The following ZNF804A variants were observed in gnomAD, a reference collection of about 807,000 sequenced individuals.
The protein encoded by ZNF804A is zinc finger protein 804A.
Under a neutral mutation model 16.5 loss-of-function variants are expected in ZNF804A, and 2 were observed. The ratio of observed to expected loss-of-function variants is 0.12; its 90% confidence interval spans 0.05 to 0.38. The LOEUF is 0.38. ZNF804A is among the 10% of genes least tolerant of loss of function. ZNF804A has a pLI of 0.99. For synonymous variants in ZNF804A, 534 were observed against 489.6 expected (o/e 1.09, Z -1.20); for missense variants, 1,473 against 1,390.7 (o/e 1.06, Z -0.94).
chr2:184,904,444 C>T (rs1373028449), intron 2 of ZNF804A, among the ~76,000 whole-genome samples: 1 of 151,938 alleles, frequency 6.6e-6, no homozygotes, highest in African/African-American at 2.4e-5. Flanking sequence ...GCTAAATAGT[C>T]GACTAAGTTG....
In ZNF804A at chr2:184,609,533, C is replaced by T. The variant is rs556699513; in HGVS notation, c.111+10463C>T. 3.3e-5 allele frequency among the ~76,000 whole-genome samples: 5 copies of T among 152,318 alleles called. No homozygotes were observed. The South Asian group carries it at 1.0e-3, about 32-fold the overall frequency. On this transcript the variant is annotated intron_variant, in intron 1 of 3. Coordinates refer to ENST00000302277, the MANE Select transcript of ZNF804A (RefSeq NM_194250.2). Reference sequence around the variant, plus strand: ...ATTAATATAGACTGGGTGGCTTAAACAACAAATACTTATTTCTCAGAATTC... The same window carrying T: ...ATTAATATAGACTGGGTGGCTTAAATAACAAATACTTATTTCTCAGAATTC...
intron 1 of ZNF804A, among the ~76,000 whole-genome samples, chr2:184,753,947 T>C (rs1693915168): frequency 6.6e-6 from 1 of 151,930 alleles, no homozygotes; most frequent in Non-Finnish European, 1.5e-5. Flanking sequence ...TATTTTAGTA[T>C]AAACATGTTC....
chr2:184,621,986 C>G (rs1454623402), intron 1 of ZNF804A, among the ~76,000 whole-genome samples: 1 of 151,716 alleles, frequency 6.6e-6, no homozygotes, highest in Non-Finnish European at 1.5e-5. Context: ...TGAAACATCT[C>G]AATTAGTCAT....
At chr2:184,906,354 A>G (rs1685273841) in intron 2 of ZNF804A, among the ~76,000 whole-genome samples, 1 of 152,102 alleles carries the variant, frequency 6.6e-6, no homozygotes, top group South Asian at 2.1e-4. Flanking sequence ...GATGGAGTGC[A>G]GTGATGCAAT....
chr2:184,904,161 T>C (rs964741571), intron 2 of ZNF804A, among the ~76,000 whole-genome samples: 1 of 151,924 alleles, frequency 6.6e-6, no homozygotes, highest in Non-Finnish European at 1.5e-5. Flanking sequence ...AAACTTAAAC[T>C]AGGAGGTGAA....
intron 1 of ZNF804A, among the ~76,000 whole-genome samples, chr2:184,752,977 G>T (rs1280438601): frequency 6.6e-6 from 1 of 151,222 alleles, no homozygotes; most frequent in Admixed American, 6.6e-5. Flanking sequence ...GGTGAAAATC[G>T]GGGAAAAGGG....
intron 2 of ZNF804A, among the ~76,000 whole-genome samples, chr2:184,906,140 C>A (rs1195590414): frequency 1.3e-5 from 2 of 152,118 alleles, no homozygotes; most frequent in African/African-American, 2.4e-5. Flanking sequence ...ATTTTCAAGT[C>A]ATTTGAAATT....
intron 1 of ZNF804A, among the ~76,000 whole-genome samples, chr2:184,612,686 C>T (rs1034429988): frequency 6.6e-6 from 1 of 152,062 alleles, no homozygotes. Flanking sequence ...CTGCCCACCT[C>T]GGCCTCCCAA....
intron 1 of ZNF804A, among the ~76,000 whole-genome samples, chr2:184,857,155 T>C (rs1695702259): frequency 6.6e-6 from 1 of 152,076 alleles, no homozygotes; most frequent in Non-Finnish European, 1.5e-5. Flanking sequence ...TCCTTAAGTT[T>C]TGGTTTTATT....
At chr2:184,908,532 T>C (rs942988024) in intron 2 of ZNF804A, among the ~76,000 whole-genome samples, 1 of 152,118 alleles carries the variant, frequency 6.6e-6, no homozygotes. Context: ...GAAATGAACA[T>C]TTAAGGGGAA....
At chr2:184,810,579 C>T (rs1694883138) in intron 1 of ZNF804A, among the ~76,000 whole-genome samples, 1 of 151,068 alleles carries the variant, frequency 6.6e-6, no homozygotes. Flanking sequence ...CAGGCTCCGC[C>T]TCCCAGGTTC....
intron 1 of ZNF804A, among the ~76,000 whole-genome samples, chr2:184,623,023 A>G (rs1195016554): frequency 6.6e-6 from 1 of 152,038 alleles, no homozygotes; most frequent in Non-Finnish European, 1.5e-5. Context: ...CATTCCCTTT[A>G]TTTGCTGGAA....
chr2:184,890,521 A>G (rs1036692774), intron 2 of ZNF804A, among the ~76,000 whole-genome samples: 2 of 152,110 alleles, frequency 1.3e-5, no homozygotes, highest in African/African-American at 4.8e-5. Context: ...AAGCAAAGAG[A>G]AAATGAAAGC....
intron 1 of ZNF804A, among the ~76,000 whole-genome samples, chr2:184,827,143 A>C (rs904977965): frequency 6.6e-6 from 1 of 151,766 alleles, no homozygotes; most frequent in Non-Finnish European, 1.5e-5. Context: ...CAACCTGAAA[A>C]TGGTCAGCAT....
chr2:184,733,095 T>C (rs1693546000), intron 1 of ZNF804A, among the ~76,000 whole-genome samples: 2 of 152,154 alleles, frequency 1.3e-5, no homozygotes, highest in Admixed American at 6.6e-5. Flanking sequence ...GACATCTTTG[T>C]TTTGTTCCTG....
chr2:184,846,734 A>T (rs1044342996), intron 1 of ZNF804A, among the ~76,000 whole-genome samples: 2 of 152,084 alleles, frequency 1.3e-5, no homozygotes, highest in Non-Finnish European at 2.9e-5. Flanking sequence ...CGGTGTTTTG[A>T]TGACTTGTCC....
chr2:184,934,706 A>G (rs189934949), intron 3 of ZNF804A, among the ~76,000 whole-genome samples: 78 of 152,250 alleles, frequency 5.1e-4, no homozygotes, highest in African/African-American at 1.9e-3. Context: ...AATATAAATT[A>G]TGATATATTA....
At position 184,938,781 on chromosome 2, in the gene ZNF804A, C is replaced by A. The variant is rs754295294; in HGVS notation, c.3385C>A (p.Gln1129Lys). 3 of 1,613,580 alleles carry A rather than the reference C, an allele frequency of 1.9e-6. No homozygotes were observed. Among genetic ancestry groups the A allele is most frequent in the Admixed American group, 1.7e-5 (1 of 59,946 alleles). Residue 1129 changes from glutamine (Q) to lysine (K), a missense_variant, in exon 4 of 4, where the codon CAA becomes AAA. Gln to Lys is a moderately conservative substitution (Grantham distance 53). Transcript: ENST00000302277. ...AGTFKVLQPH[Q>K]QFLSQIPALT... ...AACCTTTAAAGTGCTTCAGCCACAC[C>A]AACAGTTTCTTTCCCAAATCCCAGC...
chr2:184,919,401 C>T (rs115151279), intron 2 of ZNF804A, among the ~76,000 whole-genome samples: 3,355 of 152,240 alleles, frequency 0.022, 50 homozygotes, highest in Non-Finnish European at 0.034. Flanking sequence ...AGTGGAAGTC[C>T]ACATTGCTGA....
Sources: gnomAD v4.1 joint callset for allele counts (sites outside exome capture counted in the v4.1 genomes callset) on GRCh38, gnomAD v4.1.1 for gene constraint, MANE v1.5 for transcripts, NCBI Gene and HGNC (gene_info 2026-07-23, HGNC 2026-07-21) for gene names.